Variants in KRT73 observed in about 807,000 individuals in gnomAD.
The protein encoded by KRT73 is keratin, type II cytoskeletal 73.
In KRT73, 44 loss-of-function variants were observed where a neutral mutation model predicts 47.2. That is an observed-to-expected ratio of 0.93 (90% CI 0.73 to 1.20). The LOEUF is 1.20. Among genes scored for constraint, KRT73 ranks in the 50% most tolerant of loss-of-function variants. KRT73 has a pLI of 0.00. For synonymous variants in KRT73, 285 were observed against 291.3 expected (o/e 0.98, Z 0.22); for missense variants, 713 against 704.5 (o/e 1.01, Z -0.14).
chr12:52,614,851 C>A (rs1398531199), intron 3 of KRT73, 177 bp from the exon 4 acceptor site: 5 of 571,896 alleles, frequency 8.7e-6, no homozygotes, highest in Non-Finnish European at 1.2e-5. Context: ...AAACCTGGGG[C>A]AAGTTTCTCA....
Position 52,618,224 on chromosome 12 carries a change from G to A in KRT73, c.301C>T (p.Pro101Ser). 6.2e-7 allele frequency: 1 copy of A among 1,614,148 alleles called. No individual in the cohort carries two copies. Among genetic ancestry groups the A allele is most frequent in the South Asian group, 1.1e-5 (1 of 91,070 alleles). The change falls in exon 1 of 9, where the codon CCC becomes TCC. Residue 101 changes from proline (P) to serine (S), a missense_variant. By Grantham distance (74) the Pro-to-Ser change is moderately conservative (BLOSUM62 -1). Transcript: ENST00000305748. ...ATGGTGACCTGATGGATACCCCCGG[G>A]CGGGCACAACGACGGACACACGGAC... Reference protein sequence around the residue: ...LGSVCPSLCPPGGIHQVTINK... With the variant: ...LGSVCPSLCPSGGIHQVTINK...
rs2120869247 is a variant in KRT73 at position 52,613,714 on chromosome 12, C to T, written c.958G>A (p.Glu320Lys). ...TTGGTCTGGTACAGGGCCTCGGCCT[C>T]GGCCTTGCTCTTCCGGGCGATCTCC... is the stretch of plus-strand genomic sequence containing the variant. ...YEEIARKSKA[E>K]AEALYQTKFQ... is the part of the protein sequence containing the mutation. Residue 320 changes from glutamate to lysine, a missense_variant, in exon 5 of 9, where the codon GAG (glutamate) becomes AAG (lysine). By Grantham distance (56) the Glu-to-Lys change is moderately conservative (BLOSUM62 1). Transcript: ENST00000305748. 5 of 1,614,166 alleles carry T rather than the reference C, an allele frequency of 3.1e-6. No homozygotes were observed. Among genetic ancestry groups the T allele is most frequent in the East Asian group, 4.5e-5 (2 of 44,882 alleles).
chr12:52,614,817 A>AACTTC (rs1221115839), intron 3 of KRT73, 143 bp from the exon 4 acceptor site: 2 of 632,074 alleles, frequency 3.2e-6, no homozygotes, highest in Non-Finnish European at 5.5e-6. Flanking sequence ...TTCCAGCCAC[A>AACTTC]ACTTCACTGT....
In KRT73 at chr12:52,608,244, C is replaced by T. The variant is rs60219573; in HGVS notation, c.1575G>A (p.Gln525=). ...LGSASEFRDS[Q]GKTLALSSPT... ...GTGAGCTTAGAGCTAAGGTCTTTCC[C>T]TGGGAGTCCCTGAATTCACTTGCAC... The change falls in exon 9 of 9, where the codon CAG becomes CAA. Residue 525 remains glutamine (Q), a synonymous_variant. Transcript: ENST00000305748. The T allele has an allele frequency of 9.3e-6, 15 of 1,613,798 alleles. No individual in the cohort carries two copies. In the African/African-American group the frequency reaches 1.7e-4, roughly 19 times the overall value.
At chr12:52,629,388 A>G in the KRT73 span, among the ~76,000 whole-genome samples, 1 of 141,660 alleles carries the variant, frequency 7.1e-6, no homozygotes, top group African/African-American at 2.7e-5. Flanking sequence ...AGGGCCCTGA[A>G]GGCAGGGTCT....
chr12:52,614,237 C>A (rs1390290898), intron 4 of KRT73: 1 of 343,650 alleles, frequency 2.9e-6, no homozygotes, highest in Non-Finnish European at 5.3e-6. Flanking sequence ...TGAGGACTTC[C>A]TACCTCTATC....
At chr12:52,617,532 G>A (rs1347023322) in intron 1 of KRT73, among the ~76,000 whole-genome samples, 1 of 149,242 alleles carries the variant, frequency 6.7e-6, no homozygotes, top group African/African-American at 2.5e-5. Flanking sequence ...CTCATAGGCT[G>A]TGTGTGTTAC....
At chr12:52,622,254 T>C (rs377683220), upstream of KRT73, among the ~76,000 whole-genome samples, 11 of 150,622 alleles carry the variant, frequency 7.3e-5, no homozygotes, top group East Asian at 1.9e-3. Flanking sequence ...ACATGCTAAA[T>C]AGATGACAAA....
intron 3 of KRT73, 36 bp downstream of exon 3, chr12:52,615,243 C>T (rs375514052): frequency 2.5e-6 from 4 of 1,588,554 alleles, no homozygotes; most frequent in African/African-American, 1.3e-5. Flanking sequence ...GCACCCACTG[C>T]TGGGGGACTG....
chr12:52,627,529 A>G, the KRT73 span, among the ~76,000 whole-genome samples: 4 of 152,216 alleles, frequency 2.6e-5, no homozygotes, highest in African/African-American at 9.6e-5. Flanking sequence ...CTCCAAGTGC[A>G]GTGCTGGACT....
intron 4 of KRT73, chr12:52,614,120 A>T (rs1940761754): frequency 4.8e-6 from 2 of 414,248 alleles, no homozygotes; most frequent in Non-Finnish European, 8.6e-6. Flanking sequence ...GGAAGACAAC[A>T]GCCTGGCTGC....
intron 1 of KRT73, 66 bp from the exon 2 acceptor site, chr12:52,616,446 A>G (rs1006683618): frequency 6.3e-7 from 1 of 1,587,688 alleles, no homozygotes; most frequent in African/African-American, 1.3e-5. Context: ...CTTCCTGGAC[A>G]GGAACTGTGT....
chr12:52,622,343 C>A (rs1034269579), upstream of KRT73, among the ~76,000 whole-genome samples: 1 of 152,140 alleles, frequency 6.6e-6, no homozygotes, highest in African/African-American at 2.4e-5. Flanking sequence ...TTTTTATAAA[C>A]ATCCCCAACT....
the KRT73 span, among the ~76,000 whole-genome samples, chr12:52,624,964 G>T: frequency 5.2e-4 from 79 of 152,104 alleles, no homozygotes; most frequent in African/African-American, 1.9e-3. Flanking sequence ...AAAAAATCTT[G>T]ATTTAAGTTT....
chr12:52,613,447 C>T, intron 5 of KRT73: 1 of 551,116 alleles, frequency 1.8e-6, no homozygotes, highest in Admixed American at 3.7e-5. Flanking sequence ...TCAGTCTGGA[C>T]TCTGTTTACA....
upstream of KRT73, among the ~76,000 whole-genome samples, chr12:52,621,298 G>C (rs905908943): frequency 3.0e-4 from 44 of 146,390 alleles, no homozygotes; most frequent in African/African-American, 7.7e-4. Flanking sequence ...AAAGGGGGGG[G>C]GGGGGAGAGA....
chr12:52,621,092 T>G (rs1940897036), upstream of KRT73, among the ~76,000 whole-genome samples: 1 of 152,156 alleles, frequency 6.6e-6, no homozygotes, highest in African/African-American at 2.4e-5. Context: ...GTCATTGAAA[T>G]GCCTCTAAGT....
At chr12:52,618,637 T>A, upstream of KRT73, 1 of 1,151,606 alleles carries the variant, frequency 8.7e-7, no homozygotes, top group Non-Finnish European at 1.2e-6. Flanking sequence ...GCCATGGGCC[T>A]AATTTGTGGG....
In KRT73 at chr12:52,608,393, T is replaced by G; in HGVS notation, c.1426A>C (p.Asn476His). The G allele has an allele frequency of 6.2e-7, 1 of 1,612,878 alleles. No homozygotes were observed. The change falls in exon 9 of 9, where the codon AAT becomes CAT. Residue 476 changes from asparagine (N) to histidine (H), a missense_variant. Coordinates refer to ENST00000305748, the MANE Select transcript of KRT73 (RefSeq NM_175068.3). Reference protein sequence around the residue: ...AGTGAGFGFSNAGTYGYWPSS... With the variant: ...AGTGAGFGFSHAGTYGYWPSS... ...GGCCAGTAGCCGTAGGTGCCAGCAT[T>G]GCTGAATCCAAAGCCAGCCCCTGTG...
Sources: allele counts gnomAD v4.1 joint callset (sites outside exome capture counted in the v4.1 genomes callset), GRCh38; gene constraint gnomAD v4.1.1; transcripts MANE v1.5; gene names NCBI Gene and HGNC (gene_info 2026-07-23, HGNC 2026-07-21).